TRDN: variants seen among roughly 807,000 people sequenced by gnomAD.
TRDN encodes triadin in skeletal muscle.
In TRDN, 161 loss-of-function variants were observed where a neutral mutation model predicts 149.7. That is an observed-to-expected ratio of 1.08 (90% CI 0.95 to 1.23). The LOEUF is 1.23. Among genes scored for constraint, TRDN ranks in the 50% most tolerant of loss-of-function variants. The pLI, the probability that TRDN is intolerant of heterozygous loss-of-function variation, is 0.00. For missense variants in TRDN, 896 were observed against 823.5 expected (o/e 1.09, Z -1.08); for synonymous variants, 294 against 250.5 (o/e 1.17, Z -1.64).
At chr6:123,324,764 T>C (rs1779380167) in intron 23 of TRDN, among the ~76,000 whole-genome samples, 1 of 152,216 alleles carries the variant, frequency 6.6e-6, no homozygotes, top group South Asian at 2.1e-4. Flanking sequence ...TACAATACTT[T>C]TGTATAGCTA....
intron 16 of TRDN, among the ~76,000 whole-genome samples, 184 bp downstream of exon 16, chr6:123,381,186 C>T (rs1781706059): frequency 6.6e-6 from 1 of 152,018 alleles, no homozygotes; most frequent in Admixed American, 6.6e-5. Context: ...AAAATGATTA[C>T]TATGCTTCTC....
At chr6:123,453,111 T>G (rs1032963812) in intron 10 of TRDN, among the ~76,000 whole-genome samples, 2 of 152,122 alleles carry the variant, frequency 1.3e-5, no homozygotes, top group African/African-American at 2.4e-5. Context: ...CCAAGATGGA[T>G]AAAGGATTTA....
chr6:123,286,125 A>G (rs1357196809), intron 24 of TRDN, among the ~76,000 whole-genome samples: 1 of 152,126 alleles, frequency 6.6e-6, no homozygotes, highest in African/African-American at 2.4e-5. Context: ...AGATTTCTTA[A>G]AGAACTAAAA....
rs187881130 is a variant in TRDN, at chr6:123,452,722, G to A, written c.931+12184C>T. ...ATGCAATCCCCAACAAAATACCACC[G>A]TAATTCTTCGCAGAGTTAGAAAAAA... On this transcript the variant is annotated intron_variant, in intron 10 of 40. Transcript: ENST00000334268. 2.7e-3 allele frequency among the ~76,000 whole-genome samples: 418 copies of A among 152,066 alleles called. 2 individuals carry two copies. Among genetic ancestry groups the A allele is most frequent in the African/African-American group, 9.1e-3 (379 of 41,496 alleles).
intron 1 of TRDN, among the ~76,000 whole-genome samples, chr6:123,583,214 C>T (rs147345990): frequency 0.023 from 3,499 of 152,036 alleles, 126 homozygotes; most frequent in African/African-American, 0.076. Flanking sequence ...AACTGTAAAC[C>T]GGCAGTGTAA....
At chr6:123,409,547 T>C (rs1023515317) in intron 12 of TRDN, among the ~76,000 whole-genome samples, 1 of 152,238 alleles carries the variant, frequency 6.6e-6, no homozygotes, top group Non-Finnish European at 1.5e-5. Flanking sequence ...GTATTCATTC[T>C]TCCTACTTTT....
Position 123,502,450 on chromosome 6 carries a change from G to T in TRDN, c.793+1269C>A, listed in dbSNP as rs999530095. The stretch of plus-strand genomic sequence containing the variant: ...AAATTAAAATTATCTAAATTTAAAG[G>T]TTTGTAGATCACTAAAAAAAGAAAA... On this transcript the variant is annotated intron_variant, in intron 8 of 40. Transcript: ENST00000334268. The T allele has an allele frequency of 2.5e-5, 16 of 632,124 alleles. No individual in the cohort carries two copies. In the African/African-American group the frequency reaches 2.8e-4, roughly 11 times the overall value. 39.2% of individuals were successfully genotyped at this position (632,124 alleles called of 1,614,324 possible). A position where few individuals can be genotyped will look rare whatever the true frequency, so the allele number is the denominator to read the frequency against.
At chr6:123,505,495 AAGATG>A (rs1778884452) in intron 7 of TRDN, among the ~76,000 whole-genome samples, 1 of 152,066 alleles carries the variant, frequency 6.6e-6, no homozygotes, top group Admixed American at 6.6e-5. Flanking sequence ...TATTTACAGG[AAGATG>A]TTGATACTGT....
intron 12 of TRDN, among the ~76,000 whole-genome samples, chr6:123,399,756 A>C (rs978021699): frequency 1.3e-5 from 2 of 152,194 alleles, no homozygotes; most frequent in Admixed American, 6.5e-5. Context: ...ATTTGCCTAC[A>C]TCATTTTTGA....
At chr6:123,473,035 G>A (rs1317558072) in intron 9 of TRDN, among the ~76,000 whole-genome samples, 2 of 152,182 alleles carry the variant, frequency 1.3e-5, no homozygotes, top group African/African-American at 2.4e-5. Context: ...AAACCAGAGC[G>A]CCTCTCCTCC....
intron 24 of TRDN, among the ~76,000 whole-genome samples, chr6:123,307,842 C>T (rs1420101831): frequency 6.6e-6 from 1 of 151,754 alleles, no homozygotes; most frequent in Admixed American, 6.6e-5. Context: ...TTTTCTTATG[C>T]TCATTTTTAA....
chr6:123,281,835 T>G (rs1418028833), intron 24 of TRDN, among the ~76,000 whole-genome samples: 2 of 152,070 alleles, frequency 1.3e-5, no homozygotes, highest in Non-Finnish European at 2.9e-5. Flanking sequence ...CTCATCAGCA[T>G]TCACATAACA....
At chr6:123,374,228 G>A (rs1218358269) in intron 19 of TRDN, among the ~76,000 whole-genome samples, 1 of 151,900 alleles carries the variant, frequency 6.6e-6, no homozygotes, top group Non-Finnish European at 1.5e-5. Context: ...TGATTGGATA[G>A]TCTGTTTCAT....
At chr6:123,295,749 A>T (rs1778168871) in intron 24 of TRDN, among the ~76,000 whole-genome samples, 1 of 152,098 alleles carries the variant, frequency 6.6e-6, no homozygotes. Context: ...GGATCACTCG[A>T]GACCAGGAGT....
chr6:123,241,405 A>G (rs1775984360), intron 38 of TRDN, among the ~76,000 whole-genome samples: 1 of 151,516 alleles, frequency 6.6e-6, no homozygotes, highest in Non-Finnish European at 1.5e-5. Context: ...TTTTATATCT[A>G]TGAAATCTGT....
intron 16 of TRDN, among the ~76,000 whole-genome samples, chr6:123,380,814 G>A (rs1413920715): frequency 2.0e-5 from 3 of 150,660 alleles, no homozygotes; most frequent in Non-Finnish European, 4.4e-5. Flanking sequence ...GAGCTTGACT[G>A]AATTGTTAGC....
At chr6:123,489,193 T>A (rs188100605) in intron 9 of TRDN, among the ~76,000 whole-genome samples, 1 of 152,246 alleles carries the variant, frequency 6.6e-6, no homozygotes, top group Admixed American at 6.5e-5. Context: ...TACTATTTTT[T>A]TTGCAATAAA....
intron 5 of TRDN, among the ~76,000 whole-genome samples, chr6:123,530,051 C>G (rs1051864067): frequency 5.3e-5 from 8 of 151,806 alleles, no homozygotes; most frequent in Admixed American, 2.0e-4. Context: ...GCAGGAGAGC[C>G]GTGGGGCTTT....
intron 13 of TRDN, among the ~76,000 whole-genome samples, chr6:123,389,984 A>T (rs557639073): frequency 2.0e-5 from 3 of 152,290 alleles, no homozygotes; most frequent in Admixed American, 6.5e-5. Context: ...TTACATTGAA[A>T]ATAAGAATTT....
Sources: allele counts gnomAD v4.1 joint callset (sites outside exome capture counted in the v4.1 genomes callset), GRCh38; gene constraint gnomAD v4.1.1; transcripts MANE v1.5; gene names NCBI Gene and HGNC (gene_info 2026-07-23, HGNC 2026-07-21).